The following MTCH2 variants were observed in gnomAD, a reference collection of about 807,000 sequenced individuals.
MTCH2 encodes the protein mitochondrial carrier homolog 2.
MTCH2 carries 25 observed loss-of-function variants against 50.6 expected under a neutral mutation model. That is an observed-to-expected ratio of 0.49 (90% CI 0.36 to 0.69). The LOEUF (loss-of-function observed/expected upper bound fraction) is 0.69, where lower values mean the gene tolerates loss of function less well. Among genes scored for constraint, MTCH2 ranks in the 30% least tolerant of loss-of-function variants. The pLI is 0.00. For synonymous variants in MTCH2, 106 were observed against 132.0 expected (o/e 0.80, Z 1.35); for missense variants, 273 against 384.4 (o/e 0.71, Z 2.42).
the MTCH2 span, among the ~76,000 whole-genome samples, chr11:47,607,219 A>G: frequency 6.6e-6 from 1 of 152,256 alleles, no homozygotes; most frequent in Non-Finnish European, 1.5e-5. Context: ...TTGAGCTGAC[A>G]TATGTATGTA....
intron 12 of MTCH2, among the ~76,000 whole-genome samples, chr11:47,620,291 AAAAAAACAAAAAAC>A (rs532839670): frequency 6.6e-6 from 1 of 152,036 alleles, no homozygotes. Context: ...AATAAAATTA[AAAAAAACAAAAAAC>A]AAAAAACAAA....
rs1374502169 is a variant in MTCH2 at position 47,638,979 on chromosome 11, G to A, written c.160C>T (p.Leu54Phe). The change falls in exon 2 of 13, where the codon CTC (leucine) becomes TTC (phenylalanine). Residue 54 changes from leucine (L) to phenylalanine (F), a missense_variant. Transcript: ENST00000302503. ...FGRQVCQLPG[L>F]FSYAQHIASI... ...CAAAGGCACTTACCATAACTAAAGA[G>A]ACCAGGAAGCTGACACACTTGCCGC... 2.5e-6 allele frequency: 4 copies of A among 1,603,938 alleles called. No individual in the cohort carries two copies. Among genetic ancestry groups the A allele is most frequent in the Non-Finnish European group, 3.4e-6 (4 of 1,176,192 alleles).
intron 12 of MTCH2, among the ~76,000 whole-genome samples, chr11:47,620,379 C>T (rs915605142): frequency 3.9e-5 from 6 of 151,908 alleles, no homozygotes; most frequent in Non-Finnish European, 7.4e-5. Context: ...TGAGGTGGGA[C>T]GATCACTTGA....
chr11:47,628,528 T>C (rs778866613), intron 9 of MTCH2, among the ~76,000 whole-genome samples: 1 of 152,228 alleles, frequency 6.6e-6, no homozygotes, highest in Non-Finnish European at 1.5e-5. Context: ...TTTTTAGCTA[T>C]ATAATTGTTC....
the MTCH2 span, among the ~76,000 whole-genome samples, chr11:47,607,882 A>C: frequency 6.6e-6 from 1 of 152,178 alleles, no homozygotes; most frequent in African/African-American, 2.4e-5. Flanking sequence ...TTGAGCATAC[A>C]ATGTTGATCC....
chr11:47,613,563 T>C (rs945609743), downstream of MTCH2, among the ~76,000 whole-genome samples: 3 of 152,214 alleles, frequency 2.0e-5, no homozygotes, highest in African/African-American at 7.2e-5. Context: ...ATTTCTTCTC[T>C]AGGAAGAAAT....
the MTCH2 span, among the ~76,000 whole-genome samples, chr11:47,611,795 C>A: frequency 6.6e-5 from 10 of 152,290 alleles, no homozygotes; most frequent in Non-Finnish European, 1.5e-4. Context: ...CATTCTTTTT[C>A]AGAGTTGCAA....
At chr11:47,607,225 A>G in the MTCH2 span, among the ~76,000 whole-genome samples, 1 of 152,172 alleles carries the variant, frequency 6.6e-6, no homozygotes, top group South Asian at 2.1e-4. Context: ...TGACATATGT[A>G]TGTACCTGTG....
chr11:47,625,947 A>G (rs936525993), intron 10 of MTCH2, among the ~76,000 whole-genome samples: 2 of 152,100 alleles, frequency 1.3e-5, no homozygotes, highest in African/African-American at 2.4e-5. Context: ...CATTTTAACA[A>G]AAGGCCAGAA....
At chr11:47,616,864 A>T (rs1489110149), downstream of MTCH2, among the ~76,000 whole-genome samples, 1 of 151,466 alleles carries the variant, frequency 6.6e-6, no homozygotes, top group Non-Finnish European at 1.5e-5. Context: ...TGTTATTTTT[A>T]GTAGAGACAG....
At chr11:47,624,709 G>T (rs2097296366) in intron 11 of MTCH2, among the ~76,000 whole-genome samples, 1 of 152,030 alleles carries the variant, frequency 6.6e-6, no homozygotes, top group African/African-American at 2.4e-5. Context: ...GAGATGGGAG[G>T]ATCCCTTGAG....
intron 12 of MTCH2, among the ~76,000 whole-genome samples, chr11:47,620,267 A>G (rs2097292089): frequency 6.6e-6 from 1 of 152,052 alleles, no homozygotes; most frequent in African/African-American, 2.4e-5. Context: ...CCTAAAACTT[A>G]AAAGTATAAT....
At chr11:47,641,671 A>C (rs868613681) in intron 1 of MTCH2, among the ~76,000 whole-genome samples, 1 of 152,292 alleles carries the variant, frequency 6.6e-6, no homozygotes, top group African/African-American at 2.4e-5. Flanking sequence ...TTAGAAACTA[A>C]CTCCCATGTT....
chr11:47,623,574 A>C (rs1490649152), intron 11 of MTCH2, among the ~76,000 whole-genome samples: 1 of 152,206 alleles, frequency 6.6e-6, no homozygotes, highest in Non-Finnish European at 1.5e-5. Context: ...GTGCTAAAAA[A>C]TGGCAGTTGC....
intron 1 of MTCH2, among the ~76,000 whole-genome samples, chr11:47,640,964 T>C (rs1258854742): frequency 6.6e-6 from 1 of 152,128 alleles, no homozygotes; most frequent in South Asian, 2.1e-4. Flanking sequence ...TGGCGCGATC[T>C]CGGCTCACTG....
chr11:47,631,121 T>G (rs777658987), intron 6 of MTCH2, 34 bp from the exon 7 acceptor site: 2 of 1,588,058 alleles, frequency 1.3e-6, no homozygotes, highest in South Asian at 2.2e-5. Context: ...TTTACAACTA[T>G]GTTAAGGCCA....
At chr11:47,641,167 G>A (rs1392639897) in intron 1 of MTCH2, among the ~76,000 whole-genome samples, 1 of 152,160 alleles carries the variant, frequency 6.6e-6, no homozygotes, top group Admixed American at 6.6e-5. Flanking sequence ...GTGCTGGGAA[G>A]GCGTGAGCGA....
intron 12 of MTCH2, among the ~76,000 whole-genome samples, chr11:47,620,273 A>G (rs746661446): frequency 2.6e-5 from 4 of 152,066 alleles, no homozygotes; most frequent in Non-Finnish European, 5.9e-5. Context: ...ACTTAAAAGT[A>G]TAATAATAAT....
chr11:47,604,458 T>C, the MTCH2 span, among the ~76,000 whole-genome samples: 1 of 152,216 alleles, frequency 6.6e-6, no homozygotes, highest in Non-Finnish European at 1.5e-5. Context: ...AGTTTAAAAA[T>C]GTGCATGCCC....
Sources: gnomAD v4.1 joint callset for allele counts (sites outside exome capture counted in the v4.1 genomes callset) on GRCh38, gnomAD v4.1.1 for gene constraint, MANE v1.5 for transcripts, NCBI Gene and HGNC (gene_info 2026-07-23, HGNC 2026-07-21) for gene names.